The following STARD8 variants were observed in gnomAD, a reference collection of about 807,000 sequenced individuals.
The protein encoded by STARD8 is StAR related lipid transfer domain containing 8.
A neutral mutation model predicts 69.4 loss-of-function variants in STARD8; 25 were observed. The ratio of observed to expected loss-of-function variants is 0.36; its 90% CI spans 0.26 to 0.50. STARD8 has a LOEUF of 0.50. Among genes scored for constraint, STARD8 ranks in the 20% least tolerant of loss-of-function variants. STARD8 has a pLI of 0.96. For synonymous variants in STARD8, 389 were observed against 374.6 expected, an observed-to-expected ratio of 1.04 and a Z score of -0.45; for missense variants, 921 against 932.5, an observed-to-expected ratio of 0.99 and a Z score of 0.16.
rs55962426 is a variant in STARD8, at chrX:68,718,134, G to A, written c.1220G>A (p.Arg407Gln). The change falls in exon 6 of 15, where the codon CGG (arginine) becomes CAG (glutamine). Residue 407 changes from arginine to glutamine, a missense_variant. By Grantham distance (43) the Arg-to-Gln change is conservative. Coordinates refer to ENST00000374599, the MANE Select transcript of STARD8 (RefSeq NM_001142503.3). ...GLQQRVELWS[R>Q]AMYPDLGPGD... ...CAGCAACGAGTAGAGCTGTGGTCTCGGGCCATGTACCCAGACCTGGGGCCT... is the reference window on the plus strand; with the variant it reads ...CAGCAACGAGTAGAGCTGTGGTCTCAGGCCATGTACCCAGACCTGGGGCCT... 127,398 of 1,209,362 alleles carry A rather than the reference G, an allele frequency of 0.11. 5,213 individuals carry two copies. Among genetic ancestry groups the A allele is most frequent in the Non-Finnish European group, 0.12 (110,725 of 894,686 alleles).
intron 2 of STARD8, among the ~76,000 whole-genome samples, chrX:68,683,707 A>T (rs1236266875): frequency 1.8e-5 from 2 of 112,832 alleles, no homozygotes; most frequent in Non-Finnish European, 3.7e-5. Flanking sequence ...AGACATTCCC[A>T]CTTGGAGCCA....
Position 68,651,997 on chromosome X carries a change from G to A in STARD8, c.45+4070G>A, listed in dbSNP as rs1300379778. Among the ~76,000 whole-genome samples the A allele has an allele frequency of 5.6e-5, 6 of 106,646 alleles. No homozygotes were observed. In the South Asian group the frequency reaches 2.6e-3, roughly 45 times the overall value. 92.6% of individuals were successfully genotyped at this position (106,646 alleles called of 115,157 possible). On this transcript the variant is annotated intron_variant, in intron 1 of 14. Coordinates refer to ENST00000374599, the MANE Select transcript of STARD8 (RefSeq NM_001142503.3). ...CGAGTAGCTGGAATTACAGGCGCCC[G>A]CCACCACGCCCAGCTAATTTTTTTT...
At chrX:68,677,593 G>A (rs748986838) in intron 2 of STARD8, among the ~76,000 whole-genome samples, 2 of 111,430 alleles carry the variant, frequency 1.8e-5, no homozygotes, top group African/African-American at 6.5e-5. Context: ...CTGGTTCTGG[G>A]TACACAGCTA....
At chrX:68,668,246 C>T (rs895627475) in intron 2 of STARD8, among the ~76,000 whole-genome samples, 37 of 78,491 alleles carry the variant, frequency 4.7e-4, no homozygotes, top group African/African-American at 2.3e-3. Context: ...CTCTTTCTTT[C>T]TTTCTTTCTT....
chrX:68,697,717 T>C (rs1336935902), intron 2 of STARD8, among the ~76,000 whole-genome samples: 3 of 112,420 alleles, frequency 2.7e-5, no homozygotes, highest in Non-Finnish European at 5.6e-5. Context: ...TGTCTCTCTT[T>C]TCCCTTCCGC....
intron 7 of STARD8, 143 bp from the exon 8 acceptor site, chrX:68,720,121 C>T: frequency 1.4e-6 from 1 of 693,128 alleles, no homozygotes; most frequent in Non-Finnish European, 2.0e-6. Flanking sequence ...GGGGCTGGGC[C>T]CAAAACAGGT....
At position 68,679,039 on chromosome X, in the gene STARD8, C is replaced by T. The variant is rs747561888; in HGVS notation, c.79+13507C>T. ...CACATAGTCGGTGCTCAATAAATGGCGACTATTCTTGCCATTGTCATTAGT... is the reference window on the plus strand; with the variant it reads ...CACATAGTCGGTGCTCAATAAATGGTGACTATTCTTGCCATTGTCATTAGT... On this transcript the variant is annotated intron_variant, in intron 2 of 14. Transcript: ENST00000374599. Among the ~76,000 whole-genome samples, 17 of 111,845 alleles carry T rather than the reference C, an allele frequency of 1.5e-4. No homozygotes were observed. The South Asian group carries it at 5.3e-3, about 35-fold the overall frequency.
At chrX:68,712,763 C>T in intron 2 of STARD8, 151 bp from the exon 3 acceptor site, 1 of 518,472 alleles carries the variant, frequency 1.9e-6, no homozygotes, top group East Asian at 3.7e-5. Context: ...AGCAAATGTG[C>T]TAGGACCTCT....
chrX:68,722,400 C>T (rs1460074450), intron 11 of STARD8, 22 bp from the exon 12 acceptor site: 1 of 1,167,168 alleles, frequency 8.6e-7, no homozygotes, highest in South Asian at 1.9e-5. Flanking sequence ...AGCTGCAGCC[C>T]ATTGTGTGTG....
intron 2 of STARD8, among the ~76,000 whole-genome samples, chrX:68,697,141 A>G (rs769528640): frequency 9.8e-5 from 11 of 112,186 alleles, no homozygotes; most frequent in Admixed American, 6.6e-4. Context: ...AAAGATAAGG[A>G]TTCATAAAAA....
In STARD8 at chrX:68,661,848, G is replaced by C. The variant is rs182486219; in HGVS notation, c.46-3651G>C. Among the ~76,000 whole-genome samples the C allele has an allele frequency of 4.4e-3, 473 of 106,675 alleles. 5 individuals carry two copies. The highest frequency in any genetic ancestry group is 0.016 in the African/African-American group (457 of 28,776). The allele number at this position is 106,675 out of a possible 115,157, so 92.6% of individuals were successfully genotyped here. On this transcript the variant is annotated intron_variant, in intron 1 of 14. Transcript: ENST00000374599. The stretch of plus-strand genomic sequence containing the variant: ...ACCCAGAACCTTACCACTAACTCTG[G>C]TCTCCCTTTGTTTTTCCTTCTTTCT...
intron 2 of STARD8, among the ~76,000 whole-genome samples, chrX:68,668,199 C>T (rs1569355465): frequency 1.0e-5 from 1 of 97,263 alleles, no homozygotes; most frequent in Non-Finnish European, 2.1e-5. Flanking sequence ...CCCTTCCTTC[C>T]TTCCTTCCCT....
chrX:68,693,665 G>C lies in STARD8; in HGVS notation c.80-19249G>C, dbSNP rs1396782245. ...AGCTGAGTGGACTCGGGTTGACAAC[G>C]GCTAAGCAGCCGCGGCAGCTGCTCT... is the stretch of plus-strand genomic sequence containing the variant. On this transcript the variant is annotated intron_variant, in intron 2 of 14. Transcript: ENST00000374599. 9.3e-6 allele frequency: 7 copies of C among 754,921 alleles called. No individual in the cohort carries two copies. In the South Asian group the frequency reaches 4.7e-4, roughly 51 times the overall value. The allele number at this position is 754,921 out of a possible 1,213,427, so 62.2% of individuals were successfully genotyped here. A position where few individuals can be genotyped will look rare whatever the true frequency, so the allele number is the denominator to read the frequency against.
chrX:68,681,751 A>G (rs753013616), intron 2 of STARD8, among the ~76,000 whole-genome samples: 8 of 111,822 alleles, frequency 7.2e-5, no homozygotes, highest in East Asian at 2.8e-4. Context: ...CATCGGCCCA[A>G]TGGCTTTGTG....
chrX:68,653,327 CA>C (rs2079583108), intron 1 of STARD8, among the ~76,000 whole-genome samples: 1 of 61,046 alleles, frequency 1.6e-5, no homozygotes, highest in Non-Finnish European at 3.2e-5. Flanking sequence ...ACCACACACA[CA>C]CACCCCACAC....
intron 2 of STARD8, among the ~76,000 whole-genome samples, chrX:68,710,734 T>C (rs2080042881): frequency 8.9e-6 from 1 of 112,293 alleles, no homozygotes; most frequent in Non-Finnish European, 1.9e-5. Flanking sequence ...AGAGATTTGC[T>C]CCCTTTCCTG....
At chrX:68,655,540 T>C (rs2079606139) in intron 1 of STARD8, among the ~76,000 whole-genome samples, 1 of 111,983 alleles carries the variant, frequency 8.9e-6, no homozygotes, top group African/African-American at 3.3e-5. Context: ...ACATGGTTAA[T>C]TGTAAGATGC....
chrX:68,710,709 A>G (rs1396293082), intron 2 of STARD8, among the ~76,000 whole-genome samples: 1 of 112,249 alleles, frequency 8.9e-6, no homozygotes, highest in African/African-American at 3.2e-5. Context: ...TGTTCCTGGC[A>G]TGCAGGCCTA....
chrX:68,686,240 T>A (rs1345141280), intron 2 of STARD8, among the ~76,000 whole-genome samples: 1 of 103,476 alleles, frequency 9.7e-6, no homozygotes, highest in Non-Finnish European at 2.0e-5. Flanking sequence ...GAGTTCCTGC[T>A]CAAGGTGGGG....
Sources: gnomAD v4.1 joint callset for allele counts (sites outside exome capture counted in the v4.1 genomes callset) on GRCh38, gnomAD v4.1.1 for gene constraint, MANE v1.5 for transcripts, NCBI Gene and HGNC (gene_info 2026-07-23, HGNC 2026-07-21) for gene names.